Variants in CNBD1 observed in about 807,000 individuals in gnomAD.
CNBD1 encodes the protein cyclic nucleotide-binding domain-containing protein 1.
CNBD1 carries 71 observed loss-of-function variants against 54.4 expected under a neutral mutation model. The ratio of observed to expected loss-of-function variants is 1.30; its 90% CI spans 1.08 to 1.59. CNBD1 has a LOEUF of 1.59. CNBD1 is among the 40% of genes most tolerant of loss of function. The probability of loss-of-function intolerance (pLI) is 0.00; values close to 1 mark genes in which losing one functional copy is unlikely to be tolerated. For synonymous variants in CNBD1, 182 were observed against 170.7 expected, an observed-to-expected ratio of 1.07 and a Z score of -0.51; for missense variants, 659 against 518.0, an observed-to-expected ratio of 1.27 and a Z score of -2.64.
chr8:86,870,189 C>CTTTTTTTTT (rs71275890), intron 1 of CNBD1, among the ~76,000 whole-genome samples: 5 of 100,622 alleles, frequency 5.0e-5, no homozygotes, highest in East Asian at 3.2e-4. Context: ...AGATAGTACT[C>CTTTTTTTTT]TTTTTTTTTT....
intron 4 of CNBD1, among the ~76,000 whole-genome samples, chr8:87,020,043 AGTTT>A (rs1209138407): frequency 2.0e-5 from 3 of 152,132 alleles, no homozygotes; most frequent in African/African-American, 7.2e-5. Context: ...CTGGCTCATT[AGTTT>A]GTTTATTGCC....
chr8:87,389,197 G>A (rs1344842035), intron 2 of CNBD1, among the ~76,000 whole-genome samples: 1 of 152,158 alleles, frequency 6.6e-6, no homozygotes, highest in African/African-American at 2.4e-5. Context: ...GCACAAGACA[G>A]GGATGCCCTC....
At chr8:87,373,009 C>T (rs971770649) in intron 10 of CNBD1, among the ~76,000 whole-genome samples, 3 of 151,712 alleles carry the variant, frequency 2.0e-5, no homozygotes, top group Non-Finnish European at 2.9e-5. Flanking sequence ...TAATTACATA[C>T]TTATATGATA....
At chr8:87,031,257 C>T (rs1326954171) in intron 4 of CNBD1, among the ~76,000 whole-genome samples, 3 of 151,868 alleles carry the variant, frequency 2.0e-5, no homozygotes, top group African/African-American at 4.8e-5. Context: ...ACACAAGTAA[C>T]ATTTTTGCAA....
At chr8:87,277,687 G>A (rs1808512080) in intron 6 of CNBD1, among the ~76,000 whole-genome samples, 1 of 151,572 alleles carries the variant, frequency 6.6e-6, no homozygotes, top group Non-Finnish European at 1.5e-5. Context: ...CTGAAAACCA[G>A]TCTCAAAATA....
chr8:86,998,537 A>G (rs1227329606), intron 4 of CNBD1, among the ~76,000 whole-genome samples: 1 of 152,154 alleles, frequency 6.6e-6, no homozygotes, highest in Non-Finnish European at 1.5e-5. Flanking sequence ...GCATTGGGCA[A>G]TTCAAGGTCT....
At chr8:87,285,768 G>A (rs1422495189) in intron 7 of CNBD1, among the ~76,000 whole-genome samples, 1 of 152,202 alleles carries the variant, frequency 6.6e-6, no homozygotes, top group Non-Finnish European at 1.5e-5. Context: ...TACTCGGGAG[G>A]CTGAGGCAGG....
intron 10 of CNBD1, among the ~76,000 whole-genome samples, chr8:87,361,320 C>A (rs1380928938): frequency 6.6e-6 from 1 of 151,596 alleles, no homozygotes. Context: ...ATTTGCAAAG[C>A]TTGACAAAAT....
chr8:87,306,082 A>G (rs1192696427), intron 8 of CNBD1, among the ~76,000 whole-genome samples: 1 of 152,200 alleles, frequency 6.6e-6, no homozygotes, highest in Non-Finnish European at 1.5e-5. Flanking sequence ...CCCATCAAAA[A>G]GTGGTCTAAG....
At chr8:86,985,295 A>G (rs988327414) in intron 4 of CNBD1, among the ~76,000 whole-genome samples, 4 of 152,032 alleles carry the variant, frequency 2.6e-5, no homozygotes, top group African/African-American at 4.8e-5. Context: ...AGCAGTGTGA[A>G]AGCAGGCTAA....
intron 4 of CNBD1, among the ~76,000 whole-genome samples, chr8:86,989,817 G>C (rs1417361125): frequency 6.6e-6 from 1 of 152,078 alleles, no homozygotes; most frequent in African/African-American, 2.4e-5. Flanking sequence ...AACAGTGTAC[G>C]AGGGTTCCCT....
At chr8:87,131,129 TA>T (rs35510431) in intron 4 of CNBD1, among the ~76,000 whole-genome samples, 1 of 151,544 alleles carries the variant, frequency 6.6e-6, no homozygotes, top group Non-Finnish European at 1.5e-5. Context: ...TTCCAAATAT[TA>T]AAAAAAATCT....
chr8:87,077,808 A>C (rs1210210067), intron 4 of CNBD1, among the ~76,000 whole-genome samples: 1 of 152,124 alleles, frequency 6.6e-6, no homozygotes, highest in East Asian at 1.9e-4. Flanking sequence ...TTCTTAATCC[A>C]GTCTATCATT....
intron 2 of CNBD1, among the ~76,000 whole-genome samples, chr8:87,415,946 G>A (rs1458787407): frequency 6.6e-6 from 1 of 151,300 alleles, no homozygotes; most frequent in Admixed American, 6.6e-5. Flanking sequence ...AAAAATATTG[G>A]AAATAAAGTT....
chr8:87,058,937 C>T (rs1194507884), intron 4 of CNBD1, among the ~76,000 whole-genome samples: 3 of 152,186 alleles, frequency 2.0e-5, no homozygotes, highest in African/African-American at 7.2e-5. Flanking sequence ...CATCATCAGT[C>T]TGCAAATTTT....
chr8:87,281,585 T>C (rs1808602669), intron 6 of CNBD1, among the ~76,000 whole-genome samples: 1 of 52,380 alleles, frequency 1.9e-5, no homozygotes, highest in South Asian at 5.3e-4. Flanking sequence ...TATATATATA[T>C]ATATATATAT....
At chr8:87,010,629 C>T (rs1030133427) in intron 4 of CNBD1, among the ~76,000 whole-genome samples, 12 of 152,120 alleles carry the variant, frequency 7.9e-5, no homozygotes, top group Middle Eastern at 3.4e-3. Flanking sequence ...CCTGTAATCC[C>T]AGCTAGTTAG....
chr8:87,056,988 T>G (rs1201503750), intron 4 of CNBD1, among the ~76,000 whole-genome samples: 1 of 152,216 alleles, frequency 6.6e-6, no homozygotes, highest in Non-Finnish European at 1.5e-5. Context: ...ACCTGTGATT[T>G]GCTTCCAACC....
At chr8:86,965,225 AAAAG>A (rs1394961774) in intron 4 of CNBD1, among the ~76,000 whole-genome samples, 3 of 152,200 alleles carry the variant, frequency 2.0e-5, no homozygotes, top group Admixed American at 6.5e-5. Context: ...AGCATGAGAA[AAAAG>A]AAAGAAACAA....
Sources: allele counts gnomAD v4.1 joint callset (sites outside exome capture counted in the v4.1 genomes callset), GRCh38; gene constraint gnomAD v4.1.1; transcripts MANE v1.5; gene names NCBI Gene and HGNC (gene_info 2026-07-23, HGNC 2026-07-21).